Variants in ZNF610 observed in about 807,000 individuals in gnomAD.
ZNF610 encodes zinc finger protein 610.
ZNF610 carries 14 observed loss-of-function variants against 14.1 expected under a neutral mutation model. The observed-to-expected ratio is 0.99, with a 90% CI of 0.65 to 1.55. The LOEUF (loss-of-function observed/expected upper bound fraction) is 1.55, where lower values mean the gene tolerates loss of function less well. ZNF610 is among the 40% of genes most tolerant of loss of function. The probability of loss-of-function intolerance (pLI) is 0.00; values close to 1 mark genes in which losing one functional copy is unlikely to be tolerated. For missense variants in ZNF610, 530 were observed against 558.0 expected (o/e 0.95, Z 0.51); for synonymous variants, 185 against 187.6 (o/e 0.99, Z 0.11).
chr19:52,354,174 C>G, intron 4 of ZNF610, 77 bp from the exon 5 acceptor site: 1 of 1,571,632 alleles, frequency 6.4e-7, no homozygotes, highest in South Asian at 1.2e-5. Context: ...TTTGCGATAT[C>G]CCCTCTCTTA....
intron 1 of ZNF610, among the ~76,000 whole-genome samples, chr19:52,342,583 A>G (rs1984737754): frequency 6.7e-6 from 1 of 149,308 alleles, no homozygotes; most frequent in African/African-American, 2.5e-5. Flanking sequence ...GTAGTGGCGC[A>G]ATCTCGGCTC....
intron 5 of ZNF610, among the ~76,000 whole-genome samples, chr19:52,356,598 G>C (rs955384271): frequency 6.6e-6 from 1 of 151,806 alleles, no homozygotes; most frequent in East Asian, 1.9e-4. Flanking sequence ...CTCAGCAGGA[G>C]AGTCTCTAAA....
chr19:52,334,393 G>A (rs1600226740), upstream of ZNF610, among the ~76,000 whole-genome samples: 1 of 27,890 alleles, frequency 3.6e-5, no homozygotes, highest in East Asian at 5.1e-4. Flanking sequence ...CGTGCCTGTA[G>A]TCCCAGCTAC....
rs61740369 is a variant in ZNF610 at position 52,366,032 on chromosome 19, C to A, written c.654C>A (p.Ser218Arg). The A allele has an allele frequency of 6.2e-7, 1 of 1,614,038 alleles. No homozygotes were observed. Among genetic ancestry groups the A allele is most frequent in the East Asian group, 2.2e-5 (1 of 44,876 alleles). Residue 218 changes from serine to arginine, a missense_variant, in exon 6 of 6, where the codon AGC becomes AGA. Ser to Arg is a moderately radical substitution (Grantham distance 110). Transcript: ENST00000403906. ...GTGAAGTTTTTAGAGTCCGTGCAAG[C>A]CTTACTAACCATCAAGTAATCCATA... is the stretch of plus-strand genomic sequence containing the variant. ...EDGEVFRVRA[S>R]LTNHQVIHTA...
intron 5 of ZNF610, among the ~76,000 whole-genome samples, chr19:52,357,974 G>A (rs936218757): frequency 6.6e-6 from 1 of 152,126 alleles, no homozygotes; most frequent in African/African-American, 2.4e-5. Flanking sequence ...CAGCCTCGGG[G>A]TGTTCAGCTG....
chr19:52,345,707 TTTTTA>T (rs1304722393), intron 1 of ZNF610, among the ~76,000 whole-genome samples: 1 of 151,280 alleles, frequency 6.6e-6, no homozygotes, highest in African/African-American at 2.5e-5. Context: ...TTTATTTTTA[TTTTTA>T]TTTTTTTTTG....
At chr19:52,345,635 A>G (rs1600231528) in intron 1 of ZNF610, 2 of 152,192 alleles carry the variant, frequency 1.3e-5, no homozygotes, top group Admixed American at 6.5e-5. Context: ...ACAGACCTCA[A>G]CAAGCTTCTT....
intron 5 of ZNF610, among the ~76,000 whole-genome samples, chr19:52,358,886 A>T (rs1985654082): frequency 6.6e-6 from 1 of 152,172 alleles, no homozygotes; most frequent in Non-Finnish European, 1.5e-5. Flanking sequence ...TTTCCTCAGC[A>T]CTATTTGATA....
chr19:52,363,103 C>T (rs981017223), intron 5 of ZNF610, among the ~76,000 whole-genome samples: 2 of 151,164 alleles, frequency 1.3e-5, no homozygotes, highest in African/African-American at 4.9e-5. Context: ...AGAGACAGAA[C>T]CCCCTTCTCT....
At chr19:52,342,192 G>A (rs929617817) in intron 1 of ZNF610, among the ~76,000 whole-genome samples, 5 of 152,046 alleles carry the variant, frequency 3.3e-5, no homozygotes, top group Non-Finnish European at 2.9e-5. Context: ...ATTTTCCCAC[G>A]TCAGCCTCCC....
chr19:52,354,947 T>A (rs1418260760), intron 5 of ZNF610, among the ~76,000 whole-genome samples: 1 of 152,114 alleles, frequency 6.6e-6, no homozygotes, highest in Non-Finnish European at 1.5e-5. Context: ...AAAAGAAAAG[T>A]TTAAATCCTA....
rs775806136 is a variant in ZNF610, at chr19:52,366,260, C to G, written c.882C>G (p.Gly294=). ...GEKPHKCNEC[G]KAFRECSGLT... is the part of the protein sequence containing the mutation. ...AGCCTCACAAATGTAACGAATGTGG[C>G]AAAGCTTTTAGAGAGTGTTCGGGAC... The change falls in exon 6 of 6, where the codon GGC becomes GGG. Residue 294 remains glycine (G), a synonymous_variant. Transcript: ENST00000403906. 1 of 1,613,120 alleles carries G rather than the reference C, an allele frequency of 6.2e-7. No individual in the cohort carries two copies. Among genetic ancestry groups the G allele is most frequent in the Non-Finnish European group, 8.5e-7 (1 of 1,179,356 alleles).
Position 52,349,226 on chromosome 19 carries a change from T to C in ZNF610, c.54T>C (p.Ala18=). Residue 18 remains alanine (A), a synonymous_variant, in exon 3 of 6, where the codon GCT becomes GCC. Coordinates refer to ENST00000403906, the MANE Select transcript of ZNF610 (RefSeq NM_001161425.2). ...QKRKAKESGM[A]LPQGRLTFMD... is the part of the protein sequence containing the mutation. ...GGAAAGCAAAGGAGTCAGGGATGGCTCTTCCTCAGGTAAAGTGATATTCTC... is the reference window on the plus strand; with the variant it reads ...GGAAAGCAAAGGAGTCAGGGATGGCCCTTCCTCAGGTAAAGTGATATTCTC... 3 of 1,613,398 alleles carry C rather than the reference T, an allele frequency of 1.9e-6. No individual in the cohort carries two copies. The highest frequency in any genetic ancestry group is 2.5e-6 in the Non-Finnish European group (3 of 1,179,914).
intron 1 of ZNF610, chr19:52,345,383 C>T (rs1984888804): frequency 6.6e-6 from 1 of 152,162 alleles, no homozygotes; most frequent in Non-Finnish European, 1.5e-5. Context: ...CAGTGCATTC[C>T]TTGTGTCTGT....
chr19:52,354,964 C>T (rs187795145), intron 5 of ZNF610, among the ~76,000 whole-genome samples: 1 of 152,292 alleles, frequency 6.6e-6, no homozygotes, highest in African/African-American at 2.4e-5. Context: ...CCTAGGCATT[C>T]TGAATGGAAA....
chr19:52,349,383 A>G, intron 3 of ZNF610, 148 bp downstream of exon 3: 1 of 1,360,088 alleles, frequency 7.4e-7, no homozygotes, highest in Non-Finnish European at 1.0e-6. Context: ...ACCCAGTGAC[A>G]TGAATGTGGG....
rs1985040116 is a variant in ZNF610 at position 52,347,901 on chromosome 19, T to A, written c.-63T>A. The A allele has an allele frequency of 6.6e-6, 1 of 152,232 alleles. No homozygotes were observed. Among genetic ancestry groups the A allele is most frequent in the South Asian group, 2.1e-4 (1 of 4,830 alleles). The allele number at this position is 152,232 out of a possible 1,614,324, so 9.4% of individuals were successfully genotyped here. A position where few individuals can be genotyped will look rare whatever the true frequency, so the allele number is the denominator to read the frequency against. On this transcript the variant is annotated 5_prime_UTR_variant, in exon 2 of 6. Transcript: ENST00000403906. ...TCACATTCGGTCACCACACACTCACTGACTCATCCAGAGCAATTTCTAGTC... is the reference window on the plus strand; with the variant it reads ...TCACATTCGGTCACCACACACTCACAGACTCATCCAGAGCAATTTCTAGTC...
chr19:52,366,251 C>T lies in ZNF610; in HGVS notation c.873C>T (p.Asn291=), dbSNP rs774838239. 5 of 1,613,198 alleles carry T rather than the reference C, an allele frequency of 3.1e-6. No homozygotes were observed. The South Asian group carries it at 3.3e-5, about 11-fold the overall frequency. The change falls in exon 6 of 6, where the codon AAC becomes AAT. Residue 291 remains asparagine, a synonymous_variant. Coordinates refer to ENST00000403906, the MANE Select transcript of ZNF610 (RefSeq NM_001161425.2). ...CTGGAGAGAAGCCTCACAAATGTAA[C>T]GAATGTGGCAAAGCTTTTAGAGAGT... is the stretch of plus-strand genomic sequence containing the variant. ...IHTGEKPHKC[N]ECGKAFRECS...
Position 52,366,435 on chromosome 19 carries a change from T to G in ZNF610, c.1057T>G (p.Phe353Val). 3 of 1,614,214 alleles carry G rather than the reference T, an allele frequency of 1.9e-6. No individual in the cohort carries two copies. Among genetic ancestry groups the G allele is most frequent in the Non-Finnish European group, 2.5e-6 (3 of 1,180,046 alleles). Residue 353 changes from phenylalanine (F) to valine (V), a missense_variant, in exon 6 of 6, where the codon TTT (phenylalanine) becomes GTT (valine). Phe to Val is a conservative substitution (Grantham distance 50). Coordinates refer to ENST00000403906, the MANE Select transcript of ZNF610 (RefSeq NM_001161425.2). ...CAAATGTAATGAATGTGGCAAGGTC[T>G]TTAGTCTGCTTTCATACCTTGCACG... ...PYKCNECGKV[F>V]SLLSYLARHQ...
Sources: allele counts gnomAD v4.1 joint callset (sites outside exome capture counted in the v4.1 genomes callset), GRCh38; gene constraint gnomAD v4.1.1; transcripts MANE v1.5; gene names NCBI Gene and HGNC (gene_info 2026-07-23, HGNC 2026-07-21).